RIMS2: variants seen among roughly 807,000 people sequenced by gnomAD.
RIMS2 encodes the protein regulating synaptic membrane exocytosis protein 2.
Under a neutral mutation model 174.4 loss-of-function variants are expected in RIMS2, and 59 were observed. The observed-to-expected ratio is 0.34, with a 90% CI of 0.27 to 0.42. RIMS2 has a LOEUF of 0.42. Ranked by LOEUF, RIMS2 falls within the 10% of genes least tolerant of loss-of-function variation. The probability of loss-of-function intolerance (pLI) is 1.00; values close to 1 mark genes in which losing one functional copy is unlikely to be tolerated. For synonymous variants in RIMS2, 606 were observed against 572.5 expected, an observed-to-expected ratio of 1.06 and a Z score of -0.84; for missense variants, 1,620 against 1,666.3, an observed-to-expected ratio of 0.97 and a Z score of 0.48.
intron 19 of RIMS2, among the ~76,000 whole-genome samples, chr8:104,156,928 A>C (rs1206657220): frequency 6.6e-6 from 1 of 152,210 alleles, no homozygotes; most frequent in African/African-American, 2.4e-5. Flanking sequence ...GAAACAAGTA[A>C]TAAGAATGAA....
chr8:103,940,377 C>T (rs114504821), intron 13 of RIMS2, among the ~76,000 whole-genome samples: 1,696 of 152,180 alleles, frequency 0.011, 39 homozygotes, highest in African/African-American at 0.039. Context: ...GAGAGCAGCA[C>T]GAGAAAGACC....
chr8:103,859,396 C>G (rs1281947072), intron 3 of RIMS2, among the ~76,000 whole-genome samples: 1 of 152,028 alleles, frequency 6.6e-6, no homozygotes, highest in Non-Finnish European at 1.5e-5. Flanking sequence ...CCTCCCACCC[C>G]CCACTGAAGG....
At chr8:103,821,722 A>G (rs887467661) in intron 3 of RIMS2, among the ~76,000 whole-genome samples, 2 of 151,686 alleles carry the variant, frequency 1.3e-5, no homozygotes, top group Non-Finnish European at 1.5e-5. Flanking sequence ...TAAACAATAT[A>G]AATGCCTATG....
chr8:103,552,319 G>T (rs1005870256), intron 1 of RIMS2, among the ~76,000 whole-genome samples: 1 of 152,102 alleles, frequency 6.6e-6, no homozygotes, highest in Non-Finnish European at 1.5e-5. Flanking sequence ...TCTGATCTTT[G>T]ACAAACCTGA....
intron 19 of RIMS2, among the ~76,000 whole-genome samples, chr8:104,100,787 A>C (rs987315473): frequency 2.1e-5 from 3 of 143,720 alleles, no homozygotes; most frequent in African/African-American, 7.7e-5. Flanking sequence ...AATCCCATTC[A>C]ATTTCCTGTT....
intron 2 of RIMS2, among the ~76,000 whole-genome samples, chr8:103,720,466 T>G (rs1409799453): frequency 6.6e-6 from 1 of 152,226 alleles, no homozygotes; most frequent in African/African-American, 2.4e-5. Context: ...TTAATTTATT[T>G]GCATTTGCAC....
chr8:103,507,102 G>A (rs747463002), intron 1 of RIMS2, among the ~76,000 whole-genome samples: 46 of 152,100 alleles, frequency 3.0e-4, no homozygotes, highest in Non-Finnish European at 5.7e-4. Flanking sequence ...TAATTCTGAA[G>A]TATGGTTATT....
intron 2 of RIMS2, among the ~76,000 whole-genome samples, chr8:103,698,087 A>G (rs1464647728): frequency 1.3e-5 from 2 of 152,206 alleles, no homozygotes; most frequent in African/African-American, 4.8e-5. Flanking sequence ...ATTTTTTTAC[A>G]TACATTACTT....
chr8:103,780,686 A>T (rs1277252375), intron 3 of RIMS2, among the ~76,000 whole-genome samples: 2 of 151,844 alleles, frequency 1.3e-5, no homozygotes, highest in African/African-American at 4.8e-5. Context: ...TAAAACTGCT[A>T]TTTTTTTATG....
chr8:103,613,569 A>G (rs1013197265), intron 1 of RIMS2, among the ~76,000 whole-genome samples: 2 of 152,158 alleles, frequency 1.3e-5, no homozygotes, highest in African/African-American at 2.4e-5. Flanking sequence ...ACTGGTACCT[A>G]AGATGCAAGA....
intron 19 of RIMS2, among the ~76,000 whole-genome samples, chr8:104,049,980 T>G (rs1230150797): frequency 1.3e-5 from 2 of 152,130 alleles, no homozygotes; most frequent in Non-Finnish European, 2.9e-5. Flanking sequence ...AGATTTCAGG[T>G]GTTAGTAGTG....
At chr8:104,070,025 G>A (rs1165172462) in intron 19 of RIMS2, among the ~76,000 whole-genome samples, 4 of 152,060 alleles carry the variant, frequency 2.6e-5, no homozygotes, top group Admixed American at 2.0e-4. Context: ...TTGAAAGTTA[G>A]GCCTGTTTTA....
Position 104,025,345 on chromosome 8 carries a change from A to G in RIMS2, c.3334+10730A>G, listed in dbSNP as rs186942337. Among the ~76,000 whole-genome samples the G allele has an allele frequency of 1.1e-3, 163 of 152,186 alleles. 1 individual carries two copies. Among genetic ancestry groups the G allele is most frequent in the Admixed American group, 4.3e-3 (66 of 15,280 alleles). ...AAACAAAAAAATTTAAAAATTACGCAGGCATAGTGTTGCACACCTCTAGTC... is the reference window on the plus strand; with the variant it reads ...AAACAAAAAAATTTAAAAATTACGCGGGCATAGTGTTGCACACCTCTAGTC... On this transcript the variant is annotated intron_variant, in intron 19 of 23. Transcript: ENST00000504942.
intron 19 of RIMS2, among the ~76,000 whole-genome samples, chr8:104,237,655 A>G (rs1344832636): frequency 1.3e-5 from 2 of 152,180 alleles, no homozygotes; most frequent in Non-Finnish European, 2.9e-5. Context: ...AATAGTTGTG[A>G]CAAAGCTTTT....
At chr8:104,152,722 T>A (rs555312632) in intron 19 of RIMS2, among the ~76,000 whole-genome samples, 5 of 152,204 alleles carry the variant, frequency 3.3e-5, no homozygotes, top group Non-Finnish European at 7.4e-5. Flanking sequence ...ATATATAAGA[T>A]GTATTGAGTA....
At chr8:103,962,810 A>G (rs1158946688) in intron 15 of RIMS2, among the ~76,000 whole-genome samples, 1 of 152,122 alleles carries the variant, frequency 6.6e-6, no homozygotes, top group Admixed American at 6.6e-5. Flanking sequence ...GTTACTAACT[A>G]GGGCACGATA....
chr8:103,602,247 A>G (rs1235769236), intron 1 of RIMS2, among the ~76,000 whole-genome samples: 1 of 152,160 alleles, frequency 6.6e-6, no homozygotes, highest in South Asian at 2.1e-4. Flanking sequence ...TCGGCCTCCC[A>G]AAGTACTGGG....
rs796593415 is a variant in RIMS2, at chr8:103,751,656, A to G, written c.388-14571A>G. On this transcript the variant is annotated intron_variant, in intron 2 of 23. Coordinates refer to ENST00000504942, the Ensembl canonical transcript of RIMS2. ...TTGCCATTCTAACTGGTGTGAGATG[A>G]TATCTCATTGTGGTTTTGATTTGCA... Among the ~76,000 whole-genome samples, 701 of 149,674 alleles carry G rather than the reference A, an allele frequency of 4.7e-3. 3 individuals are homozygous for G. The highest frequency in any genetic ancestry group is 0.024 in the East Asian group (120 of 4,938).
chr8:103,784,431 G>C (rs1303588847), intron 3 of RIMS2, among the ~76,000 whole-genome samples: 1 of 143,228 alleles, frequency 7.0e-6, no homozygotes, highest in African/African-American at 2.6e-5. Context: ...AATCCATCTT[G>C]AATTGATTTT....
Sources: gnomAD v4.1 joint callset for allele counts (sites outside exome capture counted in the v4.1 genomes callset) on GRCh38, gnomAD v4.1.1 for gene constraint, MANE v1.5 for transcripts, NCBI Gene and HGNC (gene_info 2026-07-23, HGNC 2026-07-21) for gene names.